Variants in WWOX observed in about 807,000 individuals in gnomAD.
WWOX encodes WW domain containing oxidoreductase.
A neutral mutation model predicts 46.2 loss-of-function variants in WWOX; 69 were observed. The observed-to-expected ratio is 1.49, with a 90% CI of 1.23 to 1.82. WWOX has a LOEUF of 1.82. Ranked by LOEUF, WWOX falls within the 40% of genes most tolerant of loss-of-function variation. The probability of loss-of-function intolerance (pLI) is 0.00; values close to 1 mark genes in which losing one functional copy is unlikely to be tolerated. For synonymous variants in WWOX, 359 were observed against 202.6 expected, an observed-to-expected ratio of 1.77 and a Z score of -6.56; for missense variants, 919 against 542.6, an observed-to-expected ratio of 1.69 and a Z score of -6.89.
chr16:78,157,869 T>C (rs2151728533), intron 4 of WWOX, among the ~76,000 whole-genome samples: 1 of 152,310 alleles, frequency 6.6e-6, no homozygotes, highest in African/African-American at 2.4e-5. Context: ...TCGTACGAAT[T>C]GGGTAAGAGG....
At chr16:78,547,888 A>T (rs990462648) in intron 8 of WWOX, among the ~76,000 whole-genome samples, 10 of 152,100 alleles carry the variant, frequency 6.6e-5, no homozygotes, top group Non-Finnish European at 1.0e-4. Flanking sequence ...GTGGTGGCTC[A>T]CACCTGTAAT....
At chr16:78,977,700 A>G (rs28403123) in intron 8 of WWOX, among the ~76,000 whole-genome samples, 45,557 of 151,980 alleles carry the variant, frequency 0.3, 7,099 homozygotes, top group East Asian at 0.37. Flanking sequence ...GGCTCGGATC[A>G]TCAGCAGGGG....
intron 8 of WWOX, among the ~76,000 whole-genome samples, chr16:78,958,196 C>T (rs1184562162): frequency 3.3e-5 from 5 of 152,174 alleles, no homozygotes; most frequent in Non-Finnish European, 7.3e-5. Context: ...GCCAGACTAG[C>T]TGACTTAAAC....
intron 8 of WWOX, among the ~76,000 whole-genome samples, chr16:78,604,390 A>C (rs2045694788): frequency 6.6e-6 from 1 of 152,066 alleles, no homozygotes; most frequent in Non-Finnish European, 1.5e-5. Flanking sequence ...TTTATTCAGC[A>C]AATATTCATG....
chr16:78,515,124 T>C (rs1458890808), intron 8 of WWOX, among the ~76,000 whole-genome samples: 1 of 152,142 alleles, frequency 6.6e-6, no homozygotes, highest in Non-Finnish European at 1.5e-5. Flanking sequence ...CTCAGGAGGC[T>C]GAGGCAGGAG....
intron 8 of WWOX, among the ~76,000 whole-genome samples, chr16:79,089,551 C>G (rs1199658485): frequency 2.6e-5 from 4 of 151,938 alleles, no homozygotes; most frequent in Non-Finnish European, 5.9e-5. Context: ...AGGGTGGTCT[C>G]GAACTCCTGA....
intron 8 of WWOX, among the ~76,000 whole-genome samples, chr16:78,936,871 A>G (rs1366806153): frequency 2.6e-5 from 4 of 152,206 alleles, no homozygotes. Flanking sequence ...TTTAACTTGA[A>G]GTATTACAGG....
intron 6 of WWOX, among the ~76,000 whole-genome samples, chr16:78,397,353 A>G (rs530820832): frequency 6.6e-6 from 1 of 152,212 alleles, no homozygotes; most frequent in Admixed American, 6.5e-5. Context: ...GCACTTACAT[A>G]CCATCCCATT....
chr16:78,315,422 G>A (rs980077359), intron 5 of WWOX, among the ~76,000 whole-genome samples: 1 of 152,190 alleles, frequency 6.6e-6, no homozygotes, highest in African/African-American at 2.4e-5. Context: ...GCCAAGGCCG[G>A]CGGATCACTT....
intron 8 of WWOX, among the ~76,000 whole-genome samples, chr16:79,155,288 A>T (rs892880826): frequency 6.6e-6 from 1 of 152,206 alleles, no homozygotes; most frequent in Admixed American, 6.5e-5. Context: ...AGGCAGGAGA[A>T]TCACTTGAAC....
chr16:78,383,326 A>C (rs2081994072), intron 5 of WWOX, among the ~76,000 whole-genome samples: 1 of 152,138 alleles, frequency 6.6e-6, no homozygotes, highest in South Asian at 2.1e-4. Flanking sequence ...GGGAAGCTGG[A>C]TGATGGGTAT....
chr16:78,397,167 AGT>A (rs2082306375), intron 6 of WWOX, among the ~76,000 whole-genome samples: 2 of 152,200 alleles, frequency 1.3e-5, no homozygotes, highest in Admixed American at 1.3e-4. Flanking sequence ...TAAGTGGAAC[AGT>A]GTGCTTTGCT....
chr16:78,774,196 A>G (rs2050131796), intron 8 of WWOX, among the ~76,000 whole-genome samples: 1 of 152,036 alleles, frequency 6.6e-6, no homozygotes, highest in African/African-American at 2.4e-5. Flanking sequence ...AGGTCAGGAG[A>G]TGGAGACCAT....
chr16:78,196,977 G>C (rs560331198), intron 5 of WWOX, among the ~76,000 whole-genome samples: 1 of 152,188 alleles, frequency 6.6e-6, no homozygotes, highest in Non-Finnish European at 1.5e-5. Flanking sequence ...CCACACAGAA[G>C]AGAGAATTAC....
At chr16:78,642,572 G>T (rs990111352) in intron 8 of WWOX, among the ~76,000 whole-genome samples, 2 of 152,080 alleles carry the variant, frequency 1.3e-5, no homozygotes, top group African/African-American at 4.8e-5. Context: ...GCCACTTGTT[G>T]GATGAGATTT....
chr16:78,875,875 T>A (rs543486701), intron 8 of WWOX, among the ~76,000 whole-genome samples: 24 of 152,358 alleles, frequency 1.6e-4, no homozygotes, highest in Admixed American at 1.3e-3. Flanking sequence ...ACACTTTTAT[T>A]GCTTAGTAGA....
chr16:78,312,472 T>G (rs7199349), intron 5 of WWOX, among the ~76,000 whole-genome samples: 69,504 of 150,436 alleles, frequency 0.46, 17,005 homozygotes, highest in East Asian at 0.65. Context: ...CCACCTCCTG[T>G]GTTCAAGCAG....
At chr16:78,901,244 G>C (rs1198605356) in intron 8 of WWOX, among the ~76,000 whole-genome samples, 1 of 152,196 alleles carries the variant, frequency 6.6e-6, no homozygotes, top group East Asian at 1.9e-4. Context: ...CAATAGTCTG[G>C]CAATCATCCA....
chr16:78,148,542 T>G (rs2034286984), intron 4 of WWOX, among the ~76,000 whole-genome samples: 1 of 152,130 alleles, frequency 6.6e-6, no homozygotes, highest in African/African-American at 2.4e-5. Context: ...AGGCCTAAAT[T>G]TTTTATGTTT....
Sources: allele counts gnomAD v4.1 joint callset (sites outside exome capture counted in the v4.1 genomes callset), GRCh38; gene constraint gnomAD v4.1.1; transcripts MANE v1.5; gene names NCBI Gene and HGNC (gene_info 2026-07-23, HGNC 2026-07-21).